The following XKR9 variants were observed in gnomAD, a reference collection of about 807,000 sequenced individuals.
The protein encoded by XKR9 is XK related 9.
In XKR9, 32 loss-of-function variants were observed where a neutral mutation model predicts 32.0. The ratio of observed to expected loss-of-function variants is 1.00; its 90% CI spans 0.76 to 1.34. The LOEUF is 1.34. Among genes scored for constraint, XKR9 ranks in the 40% most tolerant of loss-of-function variants. The probability of loss-of-function intolerance (pLI) is 0.00; values close to 1 mark genes in which losing one functional copy is unlikely to be tolerated. For missense variants in XKR9, 546 were observed against 429.7 expected (o/e 1.27, Z -2.39); for synonymous variants, 168 against 143.4 (o/e 1.17, Z -1.22).
At chr8:70,805,471 C>T in the XKR9 span, among the ~76,000 whole-genome samples, 1 of 152,156 alleles carries the variant, frequency 6.6e-6, no homozygotes, top group Non-Finnish European at 1.5e-5. Context: ...AGGGCAGAAG[C>T]CAGCACCGGG....
chr8:70,679,645 T>G (rs761484232), intron 2 of XKR9, among the ~76,000 whole-genome samples: 2 of 152,200 alleles, frequency 1.3e-5, no homozygotes, highest in Non-Finnish European at 2.9e-5. Context: ...TTTCTGTTTT[T>G]TGTTAGCAGT....
chr8:70,863,412 T>A, the XKR9 span, among the ~76,000 whole-genome samples: 2 of 152,184 alleles, frequency 1.3e-5, no homozygotes, highest in African/African-American at 4.8e-5. Flanking sequence ...GTGATGAGCA[T>A]CTTCTCTCAA....
At chr8:71,033,583 G>A in the XKR9 span, among the ~76,000 whole-genome samples, 2 of 152,228 alleles carry the variant, frequency 1.3e-5, no homozygotes, top group Admixed American at 1.3e-4. Flanking sequence ...TCATTGAGGT[G>A]GATCCCTCAT....
At chr8:70,931,343 T>C in the XKR9 span, among the ~76,000 whole-genome samples, 1 of 152,126 alleles carries the variant, frequency 6.6e-6, no homozygotes. Flanking sequence ...GCTGGATATG[T>C]CCATCTATAG....
the XKR9 span, among the ~76,000 whole-genome samples, chr8:70,988,458 C>T: frequency 3.9e-5 from 6 of 151,960 alleles, no homozygotes; most frequent in African/African-American, 1.2e-4. Context: ...TACAACTCCA[C>T]GGTGCTGGAG....
chr8:70,828,501 G>A, the XKR9 span, among the ~76,000 whole-genome samples: 16 of 152,022 alleles, frequency 1.1e-4, no homozygotes, highest in African/African-American at 1.4e-4. Context: ...CGAGGCGGGC[G>A]GATCACGAGG....
the XKR9 span, among the ~76,000 whole-genome samples, chr8:71,013,705 T>C: frequency 6.6e-6 from 1 of 152,110 alleles, no homozygotes. Flanking sequence ...GGTAAAGCAA[T>C]GAGAATGGTT....
chr8:70,700,468 G>A (rs947707964), intron 3 of XKR9, among the ~76,000 whole-genome samples: 2 of 152,318 alleles, frequency 1.3e-5, no homozygotes, highest in South Asian at 2.1e-4. Context: ...GTTTGCCTGG[G>A]TATCAGCAGC....
intron 2 of XKR9, among the ~76,000 whole-genome samples, chr8:70,763,847 G>T (rs1158698662): frequency 3.3e-5 from 5 of 152,168 alleles, no homozygotes; most frequent in Non-Finnish European, 7.4e-5. Flanking sequence ...ACTGATAACT[G>T]TTGAGCTGGA....
At chr8:70,820,801 G>A in the XKR9 span, among the ~76,000 whole-genome samples, 2 of 152,256 alleles carry the variant, frequency 1.3e-5, no homozygotes, top group South Asian at 4.2e-4. Flanking sequence ...AGAGCATGGG[G>A]GAAACCAATT....
the XKR9 span, among the ~76,000 whole-genome samples, chr8:70,832,129 A>G: frequency 1.3e-5 from 2 of 152,100 alleles, no homozygotes; most frequent in African/African-American, 2.4e-5. Context: ...CTTGAGTGCA[A>G]TTTCCTTTTT....
rs369632544 is a variant in XKR9, at chr8:70,774,682, A to G, written n.353-14657A>G. Among the ~76,000 whole-genome samples the G allele has an allele frequency of 2.0e-5, 3 of 152,024 alleles. No individual in the cohort carries two copies. The South Asian group carries it at 6.2e-4, about 32-fold the overall frequency. The stretch of plus-strand genomic sequence containing the variant: ...AAGACTGTCCTCTCCCCATCAAATT[A>G]TTGGTATCTTTGTAAAAAATAAATT... On this transcript the variant is annotated intron_variant and non_coding_transcript_variant, in intron 2 of 3. Coordinates refer to the XKR9 transcript ENST00000520273.
intron 3 of XKR9, among the ~76,000 whole-genome samples, chr8:70,690,890 T>C (rs1462916842): frequency 1.3e-5 from 2 of 152,202 alleles, no homozygotes; most frequent in African/African-American, 4.8e-5. Context: ...TGAACACTTG[T>C]GTGCATGTGT....
chr8:70,752,894 G>A (rs1004241614), intron 2 of XKR9, among the ~76,000 whole-genome samples: 1 of 152,166 alleles, frequency 6.6e-6, no homozygotes, highest in Non-Finnish European at 1.5e-5. Context: ...AAAGCTAGCA[G>A]AAGGCAAGAA....
At chr8:70,708,603 G>A (rs1490723725) in intron 4 of XKR9, among the ~76,000 whole-genome samples, 1 of 151,994 alleles carries the variant, frequency 6.6e-6, no homozygotes, top group Non-Finnish European at 1.5e-5. Context: ...TTTTCTGTCA[G>A]CACATTTTTA....
the XKR9 span, among the ~76,000 whole-genome samples, chr8:70,874,912 T>C: frequency 1.3e-5 from 2 of 152,102 alleles, no homozygotes; most frequent in Non-Finnish European, 2.9e-5. Context: ...CCAATCAAAA[T>C]GTAAAGATTG....
intron 4 of XKR9, among the ~76,000 whole-genome samples, chr8:70,731,637 G>T (rs1379259121): frequency 6.6e-6 from 1 of 152,064 alleles, no homozygotes; most frequent in African/African-American, 2.4e-5. Context: ...TTCTCCTCTT[G>T]GTCCCCTGTT....
At chr8:70,920,526 G>T in the XKR9 span, among the ~76,000 whole-genome samples, 9 of 151,914 alleles carry the variant, frequency 5.9e-5, no homozygotes, top group Non-Finnish European at 1.0e-4. Flanking sequence ...AATTTTTAAA[G>T]CCCTTTTTGT....
the XKR9 span, among the ~76,000 whole-genome samples, chr8:70,813,735 G>T: frequency 2.7e-4 from 41 of 152,138 alleles, 1 homozygote; most frequent in South Asian, 6.4e-3. Context: ...AATCAAAACC[G>T]CAATGAGATA....
Sources: allele counts gnomAD v4.1 joint callset (sites outside exome capture counted in the v4.1 genomes callset), GRCh38; gene constraint gnomAD v4.1.1; transcripts MANE v1.5; gene names NCBI Gene and HGNC (gene_info 2026-07-23, HGNC 2026-07-21).